CDH23: variants seen among roughly 807,000 people sequenced by gnomAD.
CDH23 encodes the protein cadherin-23.
CDH23 carries 189 observed loss-of-function variants against 317.1 expected under a neutral mutation model. The observed-to-expected ratio is 0.60, with a 90% CI of 0.53 to 0.67. The LOEUF (loss-of-function observed/expected upper bound fraction) is 0.67. Among genes scored for constraint, CDH23 ranks in the 30% least tolerant of loss-of-function variants. The pLI, the probability that CDH23 is intolerant of heterozygous loss-of-function variation, is 0.00. For synonymous variants in CDH23, 1,839 were observed against 1,876.8 expected (o/e 0.98, Z 0.52); for missense variants, 4,401 against 4,592.4 (o/e 0.96, Z 1.20).
intron 44 of CDH23, among the ~76,000 whole-genome samples, chr10:71,787,804 T>A (rs1310157137): frequency 6.6e-6 from 1 of 152,250 alleles, no homozygotes; most frequent in Non-Finnish European, 1.5e-5. Context: ...GACACTTACA[T>A]TGATTCCATA....
At position 71,811,422 on chromosome 10, in the gene CDH23, T is replaced by C. The variant is rs770888523; in HGVS notation, c.9185T>C (p.Met3062Thr). The C allele has an allele frequency of 6.2e-6, 10 of 1,613,862 alleles. No individual in the cohort carries two copies. The highest frequency in any genetic ancestry group is 1.6e-4 in the Middle Eastern group (1 of 6,084). ...ATCTCTGTCCGGCTGCCGGATGACA[T>C]GTCTGCCCTGCAGGTACCCGGCGAC... ...PAISVRLPDD[M>T]SALQMAIIVL... The change falls in exon 63 of 70, where the codon ATG becomes ACG. Residue 3062 changes from methionine to threonine, a missense_variant. Around this residue, in one of 3 missense-constraint regions of CDH23, gnomAD observed 1,144 missense variants for 1,138.2 expected, o/e 1.01. Coordinates refer to ENST00000224721, the MANE Select transcript of CDH23 (RefSeq NM_022124.6).
chr10:71,407,464 T>C (rs1418228697), intron 1 of CDH23, among the ~76,000 whole-genome samples: 2 of 152,220 alleles, frequency 1.3e-5, no homozygotes, highest in Admixed American at 1.3e-4. Context: ...GATGGTTTTC[T>C]ACCCTGAGCA....
intron 3 of CDH23, among the ~76,000 whole-genome samples, chr10:71,496,349 T>G (rs1852965726): frequency 7.0e-6 from 1 of 142,868 alleles, no homozygotes; most frequent in South Asian, 2.2e-4. Flanking sequence ...TTTTTTTTTT[T>G]GCTCCACCTG....
At position 71,787,916 on chromosome 10, in the gene CDH23, T is replaced by C. The variant is rs57798036; in HGVS notation, c.5821-1024T>C. On this transcript the variant is annotated intron_variant, in intron 44 of 69. Coordinates refer to ENST00000224721, the MANE Select transcript of CDH23 (RefSeq NM_022124.6). ...TGGGCAGGTACCCAGTAGAGGGGTA[T>C]TGTGGGATTGAAGGGTAATTCTGTC... Among the ~76,000 whole-genome samples the C allele has an allele frequency of 1.4e-3, 215 of 152,334 alleles. 8 individuals are homozygous for C. The East Asian group carries it at 0.035, about 25-fold the overall frequency.
rs2132863322 is a variant in CDH23, at chr10:71,751,103, G to T, written c.4845+9182G>T. The stretch of plus-strand genomic sequence containing the variant: ...ATGTAGCATCCAGAGGGGTTGAGGG[G>T]CTGGGCTTCTGGGATGTCACAGTAT... On this transcript the variant is annotated intron_variant, in intron 38 of 69. Transcript: ENST00000224721. The surrounding 1 kb of genome is among the most constrained non-coding windows in gnomAD (Gnocchi z 4.9). The T allele has an allele frequency of 1.1e-6, 1 of 933,944 alleles. No individual in the cohort carries two copies. The highest frequency in any genetic ancestry group is 1.6e-6 in the Non-Finnish European group (1 of 627,828). The allele number at this position is 933,944 out of a possible 1,614,324, so 57.9% of individuals were successfully genotyped here.
In CDH23 at chr10:71,793,485, C is replaced by T. The variant is rs770370555; in HGVS notation, c.6557C>T (p.Ser2186Leu). ...ATCCAGACAGTGAGCGTGCTGGAGT[C>T]GGCTGAGCCAGGCACTGTCATTGCC... Reference protein sequence around the residue: ...NPIQTVSVLESAEPGTVIANI... With the variant: ...NPIQTVSVLELAEPGTVIANI... Residue 2186 changes from serine to leucine, a missense_variant, in exon 48 of 70, where the codon TCG becomes TTG. Ser to Leu is a moderately radical substitution (Grantham distance 145). Around this residue, in one of 3 missense-constraint regions of CDH23, gnomAD observed 3,068 missense variants for 3,203.3 expected, o/e 0.96. Coordinates refer to ENST00000224721, the MANE Select transcript of CDH23 (RefSeq NM_022124.6). 2.8e-5 allele frequency: 45 copies of T among 1,613,838 alleles called. No homozygotes were observed. Among genetic ancestry groups the T allele is most frequent in the Non-Finnish European group, 3.2e-5 (38 of 1,179,878 alleles).
At chr10:71,769,221 C>G (rs1323323093) in intron 38 of CDH23, among the ~76,000 whole-genome samples, 1 of 62,248 alleles carries the variant, frequency 1.6e-5, no homozygotes, top group South Asian at 6.4e-4. Context: ...TAATATGTCT[C>G]TAAAACATTT....
At chr10:71,702,505 C>T in intron 23 of CDH23, 44 bp from the exon 24 acceptor site, 1 of 1,611,630 alleles carries the variant, frequency 6.2e-7, no homozygotes, top group Non-Finnish European at 8.5e-7. Context: ...CTCTTGCACC[C>T]ATCTTACCCT....
intron 45 of CDH23, among the ~76,000 whole-genome samples, chr10:71,790,043 A>G (rs931876289): frequency 2.6e-5 from 4 of 152,190 alleles, no homozygotes; most frequent in Admixed American, 6.5e-5. Flanking sequence ...GGCTCTGGGC[A>G]GCCGGGGCCT....
intron 3 of CDH23, among the ~76,000 whole-genome samples, chr10:71,481,617 A>C (rs1280253911): frequency 6.6e-6 from 1 of 152,186 alleles, no homozygotes; most frequent in African/African-American, 2.4e-5. Flanking sequence ...GCCTCTGTCT[A>C]AATGGTGGAC....
intron 18 of CDH23, among the ~76,000 whole-genome samples, chr10:71,686,519 G>T (rs1227089): frequency 0.48 from 73,661 of 151,936 alleles, 18,681 homozygotes; most frequent in South Asian, 0.63. Flanking sequence ...TGCAGCCAGA[G>T]AGCATGCCCC....
intron 3 of CDH23, among the ~76,000 whole-genome samples, chr10:71,449,947 C>T (rs549313487): frequency 7.5e-4 from 115 of 152,334 alleles, no homozygotes; most frequent in Non-Finnish European, 1.3e-3. Context: ...GTCTACCAGC[C>T]GGAGAAGACA....
intron 8 of CDH23, among the ~76,000 whole-genome samples, chr10:71,572,913 G>A (rs1432383319): frequency 2.0e-5 from 3 of 152,168 alleles, no homozygotes; most frequent in Non-Finnish European, 4.4e-5. Context: ...AGAGCTAAGT[G>A]CAGGGAAGAT....
chr10:71,760,837 AC>A, intron 38 of CDH23: 1 of 1,600,662 alleles, frequency 6.2e-7, no homozygotes, highest in African/African-American at 1.3e-5. Flanking sequence ...AAAACAGAGA[AC>A]CCAAAAGGGG....
intron 4 of CDH23, among the ~76,000 whole-genome samples, chr10:71,510,607 G>A (rs755897840): frequency 6.6e-6 from 1 of 152,024 alleles, no homozygotes; most frequent in South Asian, 2.1e-4. Flanking sequence ...AGGTAAAGAC[G>A]TGAACACATC....
intron 14 of CDH23, among the ~76,000 whole-genome samples, chr10:71,668,144 C>T (rs1863991561): frequency 6.9e-6 from 1 of 144,228 alleles, no homozygotes; most frequent in African/African-American, 2.7e-5. Flanking sequence ...TGGGAAACCA[C>T]AGCCAGAGAC....
intron 9 of CDH23, among the ~76,000 whole-genome samples, chr10:71,594,896 A>G (rs999453959): frequency 2.6e-5 from 4 of 152,224 alleles, no homozygotes; most frequent in African/African-American, 4.8e-5. Context: ...ATTCATAGAC[A>G]TATATATACA....
At chr10:71,712,504 T>G (rs1866014033) in intron 27 of CDH23, 161 bp from the exon 28 acceptor site, 1 of 670,128 alleles carries the variant, frequency 1.5e-6, no homozygotes, top group Admixed American at 2.7e-5. Context: ...ACTGTTAGTG[T>G]TATTCCTAAG....
chr10:71,746,357 C>G (rs1263229594), intron 38 of CDH23, among the ~76,000 whole-genome samples: 1 of 152,248 alleles, frequency 6.6e-6, no homozygotes, highest in East Asian at 1.9e-4. Context: ...CCTCGTCCCC[C>G]CAGGTTCCTG....
Sources: gnomAD v4.1 joint callset for allele counts (sites outside exome capture counted in the v4.1 genomes callset) on GRCh38, gnomAD v4.1.1 for gene constraint, gnomAD v4.1.1 regional missense constraint, Gnocchi (gnomAD v3.1) non-coding constraint, MANE v1.5 for transcripts, NCBI Gene and HGNC (gene_info 2026-07-23, HGNC 2026-07-21) for gene names.